PCED1B: variants seen among roughly 807,000 people sequenced by gnomAD.
PCED1B encodes the protein PC-esterase domain containing 1B, also known as PC-esterase domain-containing protein 1B.
For synonymous variants in PCED1B, 251 were observed against 246.1 expected, an observed-to-expected ratio of 1.02 and a Z score of -0.19; for missense variants, 573 against 573.9, an observed-to-expected ratio of 1.00 and a Z score of 0.02.
chr12:47,199,114 A>G (rs963865271), intron 2 of PCED1B, among the ~76,000 whole-genome samples: 1 of 152,242 alleles, frequency 6.6e-6, no homozygotes, highest in Non-Finnish European at 1.5e-5. Flanking sequence ...GCTTTCCTAT[A>G]TATCAGAAAT....
At position 47,198,856 on chromosome 12, in the gene PCED1B, C is replaced by T. The variant is rs182687283; in HGVS notation, c.-525-17366C>T. ...TTGCACATGCCTGTAATCCCAGCTA[C>T]TTGGGAGACTGAGACAGGATAATCT... On this transcript the variant is annotated intron_variant, in intron 2 of 3. Transcript: ENST00000546455. Among the ~76,000 whole-genome samples the T allele has an allele frequency of 2.0e-5, 3 of 152,014 alleles. No individual in the cohort carries two copies. The East Asian group carries it at 5.8e-4, about 29-fold the overall frequency.
intron 2 of PCED1B, among the ~76,000 whole-genome samples, chr12:47,143,110 C>T (rs1238620872): frequency 6.6e-6 from 1 of 152,066 alleles, no homozygotes; most frequent in Non-Finnish European, 1.5e-5. Flanking sequence ...ACATCATACC[C>T]AGCTGTGAAA....
In PCED1B at chr12:47,235,770, T is replaced by G; in HGVS notation, c.707T>G (p.Val236Gly). 1.3e-6 allele frequency: 2 copies of G among 1,589,156 alleles called. No homozygotes were observed. Among genetic ancestry groups the G allele is most frequent in the Non-Finnish European group, 1.7e-6 (2 of 1,168,078 alleles). ...GACGGGGTGCACTGGAATGGACGTG[T>G]GCACCGCTGCCTCTCCCAGCTGCTG... ...HWDGVHWNGR[V>G]HRCLSQLLLA... Residue 236 changes from valine to glycine, a missense_variant, in exon 4 of 4, where the codon GTG (valine) becomes GGG (glycine). Physicochemically the swap from Val to Gly is moderately radical, Grantham distance 109. Coordinates refer to ENST00000546455, the MANE Select transcript of PCED1B (RefSeq NM_138371.3).
At chr12:47,147,280 G>A (rs1046615183) in intron 2 of PCED1B, among the ~76,000 whole-genome samples, 1 of 152,126 alleles carries the variant, frequency 6.6e-6, no homozygotes, top group African/African-American at 2.4e-5. Context: ...GCCTCCCAAA[G>A]TACTGGGATT....
intron 2 of PCED1B, among the ~76,000 whole-genome samples, chr12:47,182,637 T>C (rs974914864): frequency 6.6e-6 from 1 of 152,106 alleles, no homozygotes; most frequent in Non-Finnish European, 1.5e-5. Flanking sequence ...GAGTGCTTTA[T>C]ACCTATTATC....
rs868005986 is a variant in PCED1B at position 47,123,057 on chromosome 12, T to G, written c.-526+18862T>G. Among the ~76,000 whole-genome samples the G allele has an allele frequency of 5.3e-5, 8 of 152,346 alleles. No homozygotes were observed. In the Middle Eastern group the frequency reaches 0.01, roughly 194 times the overall value. On this transcript the variant is annotated intron_variant, in intron 2 of 3. Transcript: ENST00000546455. ...CTTTTAGGTTAGAACGAAGAATTAT[T>G]TGTCATCTGCCTTATGTAGAAATCC...
chr12:47,119,861 G>T (rs143042387), intron 2 of PCED1B, among the ~76,000 whole-genome samples: 4,480 of 151,814 alleles, frequency 0.03, 179 homozygotes, highest in African/African-American at 0.087. Flanking sequence ...GCTACTTGGG[G>T]GAGGCTGAGG....
intron 2 of PCED1B, among the ~76,000 whole-genome samples, chr12:47,156,188 A>G (rs1472834830): frequency 6.6e-6 from 1 of 152,170 alleles, no homozygotes; most frequent in Non-Finnish European, 1.5e-5. Context: ...CATCTTCACC[A>G]TAGCCAAGAA....
At chr12:47,206,075 T>C (rs1174150113) in intron 2 of PCED1B, 1 of 152,140 alleles carries the variant, frequency 6.6e-6, no homozygotes, top group Non-Finnish European at 1.5e-5. Flanking sequence ...AGTTCCTGGG[T>C]GGAGGGCACA....
chr12:47,098,021 A>G (rs1174786081), intron 1 of PCED1B, among the ~76,000 whole-genome samples: 1 of 152,224 alleles, frequency 6.6e-6, no homozygotes, highest in South Asian at 2.1e-4. Flanking sequence ...GCCACATGCC[A>G]GTCTGTGAAA....
chr12:47,198,053 C>T (rs542755463), intron 2 of PCED1B, among the ~76,000 whole-genome samples: 2 of 152,240 alleles, frequency 1.3e-5, no homozygotes, highest in Admixed American at 1.3e-4. Context: ...ATGAGGCCAG[C>T]ATTAATCCTA....
chr12:47,113,639 TGG>T (rs1307453542), intron 2 of PCED1B, among the ~76,000 whole-genome samples: 1 of 152,206 alleles, frequency 6.6e-6, no homozygotes, highest in Non-Finnish European at 1.5e-5. Flanking sequence ...CAGAAATCTG[TGG>T]GACCTGTATG....
At chr12:47,173,335 C>T (rs1229768392) in intron 2 of PCED1B, among the ~76,000 whole-genome samples, 1 of 152,226 alleles carries the variant, frequency 6.6e-6, no homozygotes, top group Non-Finnish European at 1.5e-5. Context: ...CTCACTACAA[C>T]CTCCACCTCC....
At chr12:47,149,899 T>C (rs753137681) in intron 2 of PCED1B, among the ~76,000 whole-genome samples, 1 of 152,198 alleles carries the variant, frequency 6.6e-6, no homozygotes, top group Non-Finnish European at 1.5e-5. Flanking sequence ...AGTTTATCAA[T>C]TGACACTTAT....
chr12:47,127,519 C>CCACCA (rs143838881), intron 2 of PCED1B, among the ~76,000 whole-genome samples: 16,926 of 151,330 alleles, frequency 0.11, 1,753 homozygotes, highest in African/African-American at 0.28. Flanking sequence ...CAGGCATGTG[C>CCACCA]CACCCGGTTA....
At chr12:47,117,608 T>A (rs1939483621) in intron 2 of PCED1B, among the ~76,000 whole-genome samples, 1 of 152,128 alleles carries the variant, frequency 6.6e-6, no homozygotes, top group South Asian at 2.1e-4. Context: ...TGTTGGACAT[T>A]TGGGTTGGTT....
At chr12:47,166,436 A>G (rs1285953067) in intron 2 of PCED1B, among the ~76,000 whole-genome samples, 2 of 152,198 alleles carry the variant, frequency 1.3e-5, no homozygotes, top group Admixed American at 1.3e-4. Flanking sequence ...GTTTTTCTTT[A>G]ACACATTTAG....
intron 2 of PCED1B, among the ~76,000 whole-genome samples, chr12:47,184,127 T>C (rs1484807974): frequency 6.6e-6 from 1 of 152,138 alleles, no homozygotes; most frequent in Non-Finnish European, 1.5e-5. Flanking sequence ...TTCTCCCACC[T>C]TGGCCCTCCC....
chr12:47,209,520 T>C (rs1334128309), intron 2 of PCED1B: 1 of 152,218 alleles, frequency 6.6e-6, no homozygotes, highest in Non-Finnish European at 1.5e-5. Context: ...TACATGAATA[T>C]GTAACACCTG....
Sources: allele counts gnomAD v4.1 joint callset (sites outside exome capture counted in the v4.1 genomes callset), GRCh38; gene constraint gnomAD v4.1.1; transcripts MANE v1.5; gene names NCBI Gene and HGNC (gene_info 2026-07-23, HGNC 2026-07-21).